Variants in PAPPA2 observed in about 807,000 individuals in gnomAD.
PAPPA2 encodes the protein pappalysin 2, also known as pappalysin-2.
Under a neutral mutation model 176.4 loss-of-function variants are expected in PAPPA2, and 86 were observed. The observed-to-expected ratio is 0.49, with a 90% CI of 0.41 to 0.58. PAPPA2 has a LOEUF of 0.58. Ranked by LOEUF, PAPPA2 falls within the 20% of genes least tolerant of loss-of-function variation. PAPPA2 has a pLI of 0.00. For synonymous variants in PAPPA2, 809 were observed against 852.2 expected (o/e 0.95, Z 0.88); for missense variants, 2,073 against 2,256.9 (o/e 0.92, Z 1.65).
In PAPPA2 at chr1:176,791,392, A is replaced by C; in HGVS notation, c.4930A>C (p.Lys1644Gln). 1 of 1,612,194 alleles carries C rather than the reference A, an allele frequency of 6.2e-7. No individual in the cohort carries two copies. The highest frequency in any genetic ancestry group is 8.5e-7 in the Non-Finnish European group (1 of 1,178,374). ...TKEGLWTQEF[K>Q]LCENLQGECP... ...AGAGGGCCTGTGGACCCAGGAGTTT[A>C]AGTTGTGTGAGAATCTGCAAGGAGA... Residue 1644 changes from lysine (K) to glutamine (Q), a missense_variant, in exon 19 of 23, where the codon AAG becomes CAG. Physicochemically the swap from Lys to Gln is moderately conservative, Grantham distance 53. Transcript: ENST00000367662.
intron 21 of PAPPA2, among the ~76,000 whole-genome samples, chr1:176,807,149 A>G (rs768868717): frequency 2.6e-5 from 4 of 152,216 alleles, no homozygotes; most frequent in African/African-American, 7.2e-5. Flanking sequence ...TGAGTATGTG[A>G]TAAAGGTTAG....
chr1:176,792,540 T>C (rs1046638169), intron 19 of PAPPA2, among the ~76,000 whole-genome samples: 1 of 152,158 alleles, frequency 6.6e-6, no homozygotes, highest in Non-Finnish European at 1.5e-5. Flanking sequence ...CGTTAAAATA[T>C]CATATACTCA....
At chr1:176,567,998 G>A (rs773528040) in intron 2 of PAPPA2, among the ~76,000 whole-genome samples, 81 of 152,168 alleles carry the variant, frequency 5.3e-4, no homozygotes, top group Middle Eastern at 6.3e-3. Context: ...CTCAGTTGTG[G>A]GTGCATCCAC....
intron 3 of PAPPA2, among the ~76,000 whole-genome samples, chr1:176,620,274 A>T (rs1655511205): frequency 6.6e-6 from 1 of 152,054 alleles, no homozygotes; most frequent in Non-Finnish European, 1.5e-5. Flanking sequence ...TTCAATATAT[A>T]CATTTTTTTT....
At chr1:176,737,832 C>T (rs898790830) in intron 12 of PAPPA2, among the ~76,000 whole-genome samples, 2 of 152,192 alleles carry the variant, frequency 1.3e-5, no homozygotes, top group Non-Finnish European at 2.9e-5. Flanking sequence ...ACCATAAGGC[C>T]TACCTTTATT....
At position 176,690,515 on chromosome 1, in the gene PAPPA2, G is replaced by A. The variant is rs768362557; in HGVS notation, c.2431+85G>A. On this transcript the variant is annotated intron_variant, in intron 5 of 22. Transcript: ENST00000367662. ...GGAGGGTGGAGGTGTGGGAGCTGAT[G>A]GGAGAATGATTAAGTGGTCATTTGT... 3 of 1,554,468 alleles carry A rather than the reference G, an allele frequency of 1.9e-6. No homozygotes were observed. The Admixed American group carries it at 5.5e-5, about 28-fold the overall frequency.
intron 3 of PAPPA2, among the ~76,000 whole-genome samples, chr1:176,610,345 G>T (rs557442341): frequency 7.0e-4 from 20 of 28,492 alleles, no homozygotes; most frequent in African/African-American, 6.0e-3. Context: ...AGTTGTGTGT[G>T]GGGGGGGGGA....
chr1:176,651,629 C>T lies in PAPPA2; in HGVS notation c.1992-19341C>T, dbSNP rs1008878595. Among the ~76,000 whole-genome samples the T allele has an allele frequency of 5.9e-5, 9 of 151,430 alleles. 1 individual carries two copies. The highest frequency in any genetic ancestry group is 2.6e-4 in the Admixed American group (4 of 15,146). ...TCAATTCTATTTGGTGTTCTTTGAC[C>T]TTCCTATATCTGGAATTTTATCTCT... is the stretch of plus-strand genomic sequence containing the variant. On this transcript the variant is annotated intron_variant, in intron 3 of 22. Coordinates refer to ENST00000367662, the MANE Select transcript of PAPPA2 (RefSeq NM_020318.3).
At position 176,695,907 on chromosome 1, in the gene PAPPA2, A is replaced by G. The variant is rs760916977; in HGVS notation, c.2746+48A>G. 8.8e-5 allele frequency: 141 copies of G among 1,596,330 alleles called. 1 individual carries two copies. Among genetic ancestry groups the G allele is most frequent in the Non-Finnish European group, 1.1e-4 (126 of 1,173,302 alleles). On this transcript the variant is annotated intron_variant, in intron 7 of 22. Coordinates refer to ENST00000367662, the MANE Select transcript of PAPPA2 (RefSeq NM_020318.3). ...CTTTATACCCTGGTGACCACTGAGG[A>G]TGGGGGTGGAGGTAAAGAGTGGAGT...
intron 12 of PAPPA2, among the ~76,000 whole-genome samples, chr1:176,733,931 C>T (rs1245511427): frequency 6.6e-6 from 1 of 151,960 alleles, no homozygotes; most frequent in Non-Finnish European, 1.5e-5. Flanking sequence ...ACTCTGTATA[C>T]CACTCACCCC....
chr1:176,481,251 A>AGC (rs1183731484), intron 1 of PAPPA2, among the ~76,000 whole-genome samples: 2 of 95,232 alleles, frequency 2.1e-5, no homozygotes, highest in Non-Finnish European at 4.4e-5. Context: ...GAGATTTTAA[A>AGC]GCACACACAC....
chr1:176,842,285 T>G, intron 22 of PAPPA2, 95 bp from the exon 23 acceptor site: 1 of 1,141,676 alleles, frequency 8.8e-7, no homozygotes, highest in Non-Finnish European at 1.3e-6. Context: ...AATTCTACAG[T>G]TCCTCTGGGA....
intron 1 of PAPPA2, among the ~76,000 whole-genome samples, chr1:176,471,329 A>C (rs1159380327): frequency 6.6e-6 from 1 of 152,164 alleles, no homozygotes; most frequent in Non-Finnish European, 1.5e-5. Flanking sequence ...TTGCCATTTA[A>C]GACTGAATTC....
intron 3 of PAPPA2, among the ~76,000 whole-genome samples, chr1:176,637,696 A>G (rs1656805362): frequency 6.6e-6 from 1 of 152,110 alleles, no homozygotes; most frequent in Non-Finnish European, 1.5e-5. Flanking sequence ...TCTGGCTTTA[A>G]TTGCTTTTCT....
At chr1:176,753,377 G>A (rs1439808848) in intron 14 of PAPPA2, among the ~76,000 whole-genome samples, 1 of 151,908 alleles carries the variant, frequency 6.6e-6, no homozygotes, top group Non-Finnish European at 1.5e-5. Flanking sequence ...GCTGCTTTAC[G>A]GATTCCTATT....
chr1:176,604,874 A>C (rs1312130322), intron 3 of PAPPA2, among the ~76,000 whole-genome samples: 2 of 152,200 alleles, frequency 1.3e-5, no homozygotes, highest in South Asian at 4.1e-4. Context: ...GTAGAGTAAA[A>C]ATTTACAGGC....
chr1:176,772,729 A>C (rs1450508372), intron 17 of PAPPA2, among the ~76,000 whole-genome samples: 5 of 152,188 alleles, frequency 3.3e-5, no homozygotes, highest in African/African-American at 4.8e-5. Context: ...GCACATTTGC[A>C]TGTGATTTTC....
chr1:176,817,992 G>A (rs1666475237), intron 21 of PAPPA2, among the ~76,000 whole-genome samples: 1 of 152,108 alleles, frequency 6.6e-6, no homozygotes, highest in African/African-American at 2.4e-5. Flanking sequence ...GTTAGCAGAG[G>A]AAGTGAAGCC....
intron 3 of PAPPA2, among the ~76,000 whole-genome samples, chr1:176,615,087 T>C (rs1655129625): frequency 6.6e-6 from 1 of 152,210 alleles, no homozygotes; most frequent in Non-Finnish European, 1.5e-5. Flanking sequence ...ATTTCTACCT[T>C]TAAAAATATT....
Sources: allele counts gnomAD v4.1 joint callset (sites outside exome capture counted in the v4.1 genomes callset), GRCh38; gene constraint gnomAD v4.1.1; transcripts MANE v1.5; gene names NCBI Gene and HGNC (gene_info 2026-07-23, HGNC 2026-07-21).